The following ADAMTSL1 variants were observed in gnomAD, a reference collection of about 807,000 sequenced individuals.
The protein encoded by ADAMTSL1 is ADAMTS like 1.
ADAMTSL1 carries 126 observed loss-of-function variants against 201.8 expected under a neutral mutation model. That is an observed-to-expected ratio of 0.62 (90% confidence interval 0.54 to 0.72). The LOEUF is 0.72. ADAMTSL1 is among the 30% of genes least tolerant of loss of function. ADAMTSL1 has a pLI of 0.00. For missense variants in ADAMTSL1, 2,679 were observed against 2,277.8 expected, an observed-to-expected ratio of 1.18 and a Z score of -3.59; for synonymous variants, 1,121 against 903.4, an observed-to-expected ratio of 1.24 and a Z score of -4.32.
At chr9:18,877,034 T>C (rs1209794824) in intron 23 of ADAMTSL1, among the ~76,000 whole-genome samples, 1 of 152,226 alleles carries the variant, frequency 6.6e-6, no homozygotes, top group African/African-American at 2.4e-5. Flanking sequence ...TGTTTTATTC[T>C]GTTGAGACTT....
At chr9:18,487,283 A>G (rs916873891) in intron 1 of ADAMTSL1, among the ~76,000 whole-genome samples, 1 of 152,194 alleles carries the variant, frequency 6.6e-6, no homozygotes, top group Non-Finnish European at 1.5e-5. Flanking sequence ...CGTGTATAGA[A>G]TTTATTTTCC....
chr9:18,403,861 G>T (rs1587090236), intron 2 of ADAMTSL1, among the ~76,000 whole-genome samples: 1 of 152,108 alleles, frequency 6.6e-6, no homozygotes, highest in Admixed American at 6.5e-5. Flanking sequence ...ATATTCTTAT[G>T]GTCTTCTACA....
At chr9:18,776,265 C>T (rs1422256011) in intron 18 of ADAMTSL1, among the ~76,000 whole-genome samples, 2 of 152,132 alleles carry the variant, frequency 1.3e-5, no homozygotes, top group Non-Finnish European at 2.9e-5. Flanking sequence ...TCCCTAGAGC[C>T]GCAACACTTC....
intron 4 of ADAMTSL1, among the ~76,000 whole-genome samples, chr9:18,581,116 T>C (rs1022792593): frequency 2.6e-5 from 4 of 152,150 alleles, no homozygotes; most frequent in African/African-American, 9.7e-5. Context: ...GTGGAATCCT[T>C]TGCCTCTTTT....
chr9:18,022,264 A>C (rs1371865900), intron 1 of ADAMTSL1, among the ~76,000 whole-genome samples: 1 of 152,258 alleles, frequency 6.6e-6, no homozygotes, highest in East Asian at 1.9e-4. Flanking sequence ...TGTTGACCTT[A>C]GGGAAGTCAT....
chr9:18,525,857 C>T (rs1267106701), intron 2 of ADAMTSL1, among the ~76,000 whole-genome samples: 1 of 152,180 alleles, frequency 6.6e-6, no homozygotes, highest in Non-Finnish European at 1.5e-5. Context: ...GAGAGCTTTA[C>T]TTCCAACAAT....
intron 14 of ADAMTSL1, among the ~76,000 whole-genome samples, chr9:18,719,440 C>G (rs1373024197): frequency 6.6e-6 from 1 of 152,254 alleles, no homozygotes; most frequent in South Asian, 2.1e-4. Flanking sequence ...CTTCATCTCC[C>G]TGCAACCTTC....
chr9:18,877,160 G>T (rs1198357609), intron 23 of ADAMTSL1, among the ~76,000 whole-genome samples: 3 of 151,636 alleles, frequency 2.0e-5, no homozygotes, highest in African/African-American at 7.3e-5. Flanking sequence ...TCATTTTTTT[G>T]ATTTCTCTAA....
At position 18,777,742 on chromosome 9, in the gene ADAMTSL1, A is replaced by G. The variant is rs4977426; in HGVS notation, c.3513A>G (p.Ser1171=). 8,089 of 1,613,078 alleles carry G rather than the reference A, an allele frequency of 5.0e-3. 204 individuals are homozygous for G. In the Admixed American group the frequency reaches 0.072, roughly 14 times the overall value. The change falls in exon 19 of 29, where the codon TCA becomes TCG. Residue 1171 remains serine (S), a synonymous_variant. Coordinates refer to ENST00000380548, the MANE Select transcript of ADAMTSL1 (RefSeq NM_001040272.6). The part of the protein sequence containing the change: ...HRKPTILRKI[S]AAQQLSASEV... ...AGCCCACCATCCTGCGCAAGATCTC[A>G]GCGGCCCAGCAGCTCTCAGCCTCGG...
intron 4 of ADAMTSL1, among the ~76,000 whole-genome samples, chr9:18,575,691 A>T (rs1822670199): frequency 6.6e-6 from 1 of 152,206 alleles, no homozygotes; most frequent in South Asian, 2.1e-4. Context: ...ATACTGTTTG[A>T]GTAAAAGCAA....
intron 2 of ADAMTSL1, among the ~76,000 whole-genome samples, chr9:18,345,475 G>T (rs1451597619): frequency 5.3e-5 from 8 of 152,082 alleles, no homozygotes; most frequent in East Asian, 1.9e-4. Context: ...TTAACATCAC[G>T]TGTAGGAATG....
At chr9:18,180,312 T>C (rs1277819018) in intron 2 of ADAMTSL1, among the ~76,000 whole-genome samples, 2 of 152,046 alleles carry the variant, frequency 1.3e-5, no homozygotes, top group Non-Finnish European at 2.9e-5. Context: ...GGCGGGCGGA[T>C]CACGAGGTCA....
chr9:18,025,276 A>T (rs892902796), intron 1 of ADAMTSL1, among the ~76,000 whole-genome samples: 1 of 151,904 alleles, frequency 6.6e-6, no homozygotes, highest in Non-Finnish European at 1.5e-5. Context: ...CCACTTGTCA[A>T]TTTTTATTTT....
rs117810972 is a variant in ADAMTSL1, at chr9:18,759,553, T to C, written c.2217+6045T>C. On this transcript the variant is annotated intron_variant, in intron 16 of 28. Transcript: ENST00000380548. ...TTCTGTCCCAGGGAGGAAAAAACTC[T>C]TAGGATGTTTATCTCATTTTCAATA... is the stretch of plus-strand genomic sequence containing the variant. Among the ~76,000 whole-genome samples, 68 of 152,342 alleles carry C rather than the reference T, an allele frequency of 4.5e-4. 2 individuals carry two copies. The East Asian group carries it at 0.012, about 28-fold the overall frequency.
At chr9:18,111,707 T>C (rs532991188) in intron 1 of ADAMTSL1, among the ~76,000 whole-genome samples, 1 of 152,314 alleles carries the variant, frequency 6.6e-6, no homozygotes, top group African/African-American at 2.4e-5. Flanking sequence ...GGTGCTCATG[T>C]AGTTAAATAA....
chr9:17,997,821 GA>G (rs576091137), intron 1 of ADAMTSL1, among the ~76,000 whole-genome samples: 1 of 151,918 alleles, frequency 6.6e-6, no homozygotes, highest in Non-Finnish European at 1.5e-5. Context: ...AAAATTTGGG[GA>G]AAAAAATCAC....
chr9:18,513,396 C>G (rs1225055356), intron 2 of ADAMTSL1, among the ~76,000 whole-genome samples: 1 of 152,168 alleles, frequency 6.6e-6, no homozygotes, highest in African/African-American at 2.4e-5. Context: ...AGTGGAATCA[C>G]GTAGTACTTA....
intron 1 of ADAMTSL1, among the ~76,000 whole-genome samples, chr9:18,074,471 GTTTTCTTTTCTTTTC>G (rs66552520): frequency 2.2e-3 from 278 of 126,930 alleles, no homozygotes; most frequent in African/African-American, 6.1e-3. Flanking sequence ...ACCACACTGT[GTTTTCTTTTCTTTTC>G]TTTTCTTTTC....
chr9:18,177,807 C>A (rs909017171), intron 2 of ADAMTSL1, among the ~76,000 whole-genome samples: 6 of 152,188 alleles, frequency 3.9e-5, no homozygotes, highest in African/African-American at 1.4e-4. Context: ...GCAGGGGAAT[C>A]TGGGCAGCCA....
Sources: allele counts gnomAD v4.1 joint callset (sites outside exome capture counted in the v4.1 genomes callset), GRCh38; gene constraint gnomAD v4.1.1; transcripts MANE v1.5; gene names NCBI Gene and HGNC (gene_info 2026-07-23, HGNC 2026-07-21).